Variants in MAP2 observed in about 807,000 individuals in gnomAD.
MAP2 encodes microtubule-associated protein 2.
Under a neutral mutation model 137.6 loss-of-function variants are expected in MAP2, and 14 were observed. The observed-to-expected ratio is 0.10, with a 90% CI of 0.07 to 0.16. The LOEUF is 0.16. Among genes scored for constraint, MAP2 ranks in the 10% least tolerant of loss-of-function variants. The probability of loss-of-function intolerance (pLI) is 1.00; values close to 1 mark genes in which losing one functional copy is unlikely to be tolerated. For missense variants in MAP2, 2,088 were observed against 2,191.5 expected (o/e 0.95, Z 0.94); for synonymous variants, 786 against 782.3 (o/e 1.00, Z -0.08).
intron 15 of MAP2, 76 bp from the exon 16 acceptor site, chr2:209,730,106 C>A: frequency 1.6e-6 from 2 of 1,277,940 alleles, no homozygotes; most frequent in South Asian, 1.3e-5. Flanking sequence ...TTAATGTCAG[C>A]CCTGGGAGAT....
intron 5 of MAP2, among the ~76,000 whole-genome samples, chr2:209,667,344 C>T (rs1582872449): frequency 6.6e-6 from 1 of 151,640 alleles, no homozygotes; most frequent in East Asian, 1.9e-4. Context: ...AGAAAACAAA[C>T]CCAAACTACA....
intron 3 of MAP2, among the ~76,000 whole-genome samples, chr2:209,607,625 A>G (rs148680122): frequency 7.9e-5 from 12 of 152,154 alleles, no homozygotes; most frequent in African/African-American, 2.9e-4. Context: ...AATAAGGACA[A>G]AGTTTTACCA....
chr2:209,521,175 A>G (rs2219086), intron 2 of MAP2, among the ~76,000 whole-genome samples: 34,966 of 151,936 alleles, frequency 0.23, 5,245 homozygotes, highest in African/African-American at 0.42. Flanking sequence ...TGAGCACCAC[A>G]TCGTGCCAAG....
intron 1 of MAP2, among the ~76,000 whole-genome samples, chr2:209,458,974 T>C (rs1702149837): frequency 6.6e-6 from 1 of 152,210 alleles, no homozygotes; most frequent in African/African-American, 2.4e-5. Context: ...CTTAGAAAGG[T>C]AATGTTATCT....
At chr2:209,502,023 T>TAC (rs1199639867) in intron 1 of MAP2, among the ~76,000 whole-genome samples, 1 of 152,100 alleles carries the variant, frequency 6.6e-6, no homozygotes, top group African/African-American at 2.4e-5. Context: ...TATATATATA[T>TAC]ACACACACAG....
At chr2:209,585,437 T>C (rs888193524) in intron 3 of MAP2, among the ~76,000 whole-genome samples, 15 of 152,106 alleles carry the variant, frequency 9.9e-5, no homozygotes, top group Non-Finnish European at 1.8e-4. Context: ...TTGTAAAATT[T>C]AGAAGGGTGT....
intron 2 of MAP2, among the ~76,000 whole-genome samples, chr2:209,552,517 T>C (rs1014874294): frequency 1.3e-5 from 2 of 152,232 alleles, no homozygotes; most frequent in African/African-American, 4.8e-5. Context: ...ATCTCCCATA[T>C]AGTCTCTTCT....
intron 3 of MAP2, among the ~76,000 whole-genome samples, chr2:209,609,270 A>AT (rs2085951632): frequency 6.6e-6 from 1 of 152,110 alleles, no homozygotes; most frequent in Admixed American, 6.6e-5. Context: ...TTAATTTTTG[A>AT]TTTTTCTATC....
chr2:209,689,484 T>G (rs2058196084), intron 7 of MAP2, among the ~76,000 whole-genome samples: 1 of 152,158 alleles, frequency 6.6e-6, no homozygotes, highest in South Asian at 2.1e-4. Context: ...CTCATATATT[T>G]CTCTCTAATT....
intron 5 of MAP2, among the ~76,000 whole-genome samples, chr2:209,670,440 C>A (rs1454009915): frequency 6.6e-6 from 1 of 151,894 alleles, no homozygotes; most frequent in Non-Finnish European, 1.5e-5. Context: ...GCAAAATTTT[C>A]CAGTAGGTAC....
intron 13 of MAP2, among the ~76,000 whole-genome samples, chr2:209,715,252 GAATC>G (rs1294911582): frequency 6.6e-6 from 1 of 151,964 alleles, no homozygotes; most frequent in Non-Finnish European, 1.5e-5. Flanking sequence ...ATAATATAAA[GAATC>G]AATTATGAAA....
chr2:209,591,804 T>C lies in MAP2; in HGVS notation c.-107+11704T>C, dbSNP rs554408773. On this transcript the variant is annotated intron_variant, in intron 3 of 15. Transcript: ENST00000682079. ...ATTTACTACAATAAAAAGTGAGAAA[T>C]TTAGCACACTAACACTTTCTCCCTC... 1.4e-4 allele frequency among the ~76,000 whole-genome samples: 22 copies of C among 152,306 alleles called. No individual in the cohort carries two copies. The South Asian group carries it at 3.7e-3, about 26-fold the overall frequency.
At chr2:209,568,669 A>G (rs1303622268) in intron 2 of MAP2, among the ~76,000 whole-genome samples, 1 of 151,922 alleles carries the variant, frequency 6.6e-6, no homozygotes, top group East Asian at 1.9e-4. Context: ...ATCTACTGTC[A>G]TGAAATGTAG....
At chr2:209,523,964 T>A (rs2063649256) in intron 2 of MAP2, among the ~76,000 whole-genome samples, 1 of 152,176 alleles carries the variant, frequency 6.6e-6, no homozygotes, top group Non-Finnish European at 1.5e-5. Context: ...AAAAGTTACA[T>A]TGTTTGCCTG....
chr2:209,698,192 A>G (rs758486355), intron 10 of MAP2, among the ~76,000 whole-genome samples: 8 of 152,086 alleles, frequency 5.3e-5, no homozygotes, highest in Admixed American at 1.3e-4. Context: ...TTTTTTCCTA[A>G]GTTTATAAAA....
At chr2:209,521,595 A>G (rs1024744365) in intron 2 of MAP2, among the ~76,000 whole-genome samples, 3 of 152,004 alleles carry the variant, frequency 2.0e-5, no homozygotes. Flanking sequence ...TAGGACTGAT[A>G]TCTTTCTCTT....
chr2:209,703,853 G>T, intron 11 of MAP2: 1 of 370,866 alleles, frequency 2.7e-6, no homozygotes, highest in Non-Finnish European at 5.4e-6. Flanking sequence ...ATCACATTTG[G>T]AAGTAAAGAA....
chr2:209,612,441 G>T (rs934229687), intron 3 of MAP2, among the ~76,000 whole-genome samples: 1 of 152,052 alleles, frequency 6.6e-6, no homozygotes, highest in East Asian at 1.9e-4. Context: ...ATTTCTTTAT[G>T]AAAAAATGGT....
intron 2 of MAP2, among the ~76,000 whole-genome samples, chr2:209,578,816 C>T (rs1038588339): frequency 6.6e-6 from 1 of 152,112 alleles, no homozygotes; most frequent in Non-Finnish European, 1.5e-5. Flanking sequence ...TCTGCCTGGG[C>T]CCTCAGGGAC....
Sources: gnomAD v4.1 joint callset for allele counts (sites outside exome capture counted in the v4.1 genomes callset) on GRCh38, gnomAD v4.1.1 for gene constraint, MANE v1.5 for transcripts, NCBI Gene and HGNC (gene_info 2026-07-23, HGNC 2026-07-21) for gene names.